DHX57: variants seen among roughly 807,000 people sequenced by gnomAD.
DHX57 encodes DExH-box helicase 57.
DHX57 carries 105 observed loss-of-function variants against 156.2 expected under a neutral mutation model. That is an observed-to-expected ratio of 0.67 (90% confidence interval 0.57 to 0.79). The LOEUF is 0.79. DHX57 is among the 30% of genes least tolerant of loss of function. The probability of loss-of-function intolerance (pLI) is 0.00; values close to 1 mark genes in which losing one functional copy is unlikely to be tolerated. For synonymous variants in DHX57, 704 were observed against 595.6 expected (o/e 1.18, Z -2.65); for missense variants, 1,847 against 1,661.9 (o/e 1.11, Z -1.94).
chr2:38,798,663 G>C (rs1050841697), intron 23 of DHX57, among the ~76,000 whole-genome samples: 2 of 152,060 alleles, frequency 1.3e-5, no homozygotes, highest in African/African-American at 2.4e-5. Context: ...GAAAAGATTC[G>C]GGCCAGGCGC....
chr2:38,816,229 T>C (rs1238889945), intron 19 of DHX57: 2 of 469,704 alleles, frequency 4.3e-6, no homozygotes, highest in Non-Finnish European at 8.8e-6. Context: ...TTTTTTTTTT[T>C]TTTGAGACAG....
At chr2:38,869,038 GT>G (rs1665227932) in intron 1 of DHX57, among the ~76,000 whole-genome samples, 1 of 152,192 alleles carries the variant, frequency 6.6e-6, no homozygotes, top group African/African-American at 2.4e-5. Flanking sequence ...ATGACCTCAA[GT>G]GATCTGCGCA....
intron 16 of DHX57, 30 bp downstream of exon 16, chr2:38,825,817 G>A: frequency 6.2e-7 from 1 of 1,609,112 alleles, no homozygotes; most frequent in Non-Finnish European, 8.5e-7. Flanking sequence ...TAGACCTTTT[G>A]GAAGCAAAAC....
chr2:38,851,158 T>C (rs1394860820), intron 9 of DHX57, among the ~76,000 whole-genome samples: 1 of 152,138 alleles, frequency 6.6e-6, no homozygotes, highest in Non-Finnish European at 1.5e-5. Context: ...ATCCCAATAG[T>C]GTTTGTGGAA....
chr2:38,847,062 G>A lies in DHX57; in HGVS notation c.2176C>T (p.Pro726Ser). Residue 726 changes from proline to serine, a missense_variant, in exon 11 of 24, where the codon CCT becomes TCT. Physicochemically the swap from Pro to Ser is moderately conservative, Grantham distance 74. Transcript: ENST00000457308. ...PVITIPGRTFPVDQFFLEDAI... is the reference protein window; with the variant it reads ...PVITIPGRTFSVDQFFLEDAI... ...TCTTCCAAAAAAAATTGATCAACAG[G>A]AAATGTACGACCTAGAAAAACAAGG... 2 of 1,613,366 alleles carry A rather than the reference G, an allele frequency of 1.2e-6. No homozygotes were observed. Among genetic ancestry groups the A allele is most frequent in the South Asian group, 1.1e-5 (1 of 90,986 alleles).
intron 21 of DHX57, chr2:38,810,966 G>C (rs1419865325): frequency 1.2e-6 from 1 of 835,182 alleles, no homozygotes; most frequent in Non-Finnish European, 2.0e-6. Context: ...CATCCTTGAT[G>C]CTGGTCACCT....
At chr2:38,873,554 C>T (rs920197207) in intron 1 of DHX57, among the ~76,000 whole-genome samples, 1 of 152,194 alleles carries the variant, frequency 6.6e-6, no homozygotes, top group African/African-American at 2.4e-5. Context: ...TACCACTGTA[C>T]CCTTAACACA....
intron 12 of DHX57, among the ~76,000 whole-genome samples, chr2:38,841,929 C>A (rs1012740546): frequency 1.3e-5 from 2 of 152,076 alleles, no homozygotes; most frequent in African/African-American, 2.4e-5. Context: ...TAAAAGCCCA[C>A]GAATAATGCT....
At chr2:38,813,496 G>T (rs1212565106) in intron 21 of DHX57, among the ~76,000 whole-genome samples, 1 of 150,898 alleles carries the variant, frequency 6.6e-6, no homozygotes, top group Non-Finnish European at 1.5e-5. Context: ...TCAGCCTCCC[G>T]AGTAGCTGGG....
At chr2:38,837,721 A>G (rs927175379) in intron 13 of DHX57, 110 bp downstream of exon 13, 11 of 693,494 alleles carry the variant, frequency 1.6e-5, no homozygotes, top group Non-Finnish European at 2.6e-5. Context: ...ACTGCCTTGT[A>G]GCCTGTGTGC....
chr2:38,859,313 T>A (rs895566683), intron 5 of DHX57, among the ~76,000 whole-genome samples: 1 of 152,136 alleles, frequency 6.6e-6, no homozygotes, highest in Non-Finnish European at 1.5e-5. Context: ...TTCTATGAAA[T>A]GTCCAGAGTA....
Position 38,861,582 on chromosome 2 carries a change from TA to T in DHX57, c.827del (p.Leu276Ter), listed in dbSNP as rs755852673. 3.1e-6 allele frequency: 5 copies of T among 1,614,238 alleles called. No individual in the cohort carries two copies. The highest frequency in any genetic ancestry group is 4.2e-6 in the Non-Finnish European group (5 of 1,180,040). ...ATCTACTTGTCAGATACTCCAGTTC[TA>T]ACCCAATGGTCCAGACTCTGTTCTG... ...RIQNRVWTIG[L>X]ELEYLTSRFR... is the part of the protein sequence containing the mutation. On this transcript the variant is annotated frameshift_variant, in exon 5 of 24. Coordinates refer to ENST00000457308, the MANE Select transcript of DHX57 (RefSeq NM_198963.3). LOFTEE classifies it high-confidence loss of function.
intron 22 of DHX57, among the ~76,000 whole-genome samples, chr2:38,803,318 A>G (rs562166575): frequency 4.0e-5 from 6 of 151,756 alleles, no homozygotes; most frequent in East Asian, 2.0e-4. Flanking sequence ...AGTGTTCCCT[A>G]TCTCAGGAAA....
At chr2:38,806,103 G>A (rs976913533) in intron 22 of DHX57, among the ~76,000 whole-genome samples, 1 of 152,192 alleles carries the variant, frequency 6.6e-6, no homozygotes, top group African/African-American at 2.4e-5. Flanking sequence ...CATGTGAGAG[G>A]TGGCATGATG....
chr2:38,868,344 C>T lies in DHX57; in HGVS notation c.62G>A (p.Arg21Lys), dbSNP rs1665188208. Reference protein sequence around the residue: ...PGKGGGKGSSRGGRGGRSHAS... With the variant: ...PGKGGGKGSSKGGRGGRSHAS... ...GTGACTCCTGCCTCCTCTTCCTCCT[C>T]TAGAAGACCCTTTTCCACCTCCTTT... The change falls in exon 2 of 24, where the codon AGA becomes AAA. Residue 21 changes from arginine (R) to lysine (K), a missense_variant. By Grantham distance (26) the Arg-to-Lys change is conservative. Coordinates refer to ENST00000457308, the MANE Select transcript of DHX57 (RefSeq NM_198963.3). The T allele has an allele frequency of 1.2e-6, 2 of 1,613,886 alleles. No individual in the cohort carries two copies. Among genetic ancestry groups the T allele is most frequent in the South Asian group, 2.2e-5 (2 of 91,068 alleles).
At position 38,799,323 on chromosome 2, in the gene DHX57, G is replaced by A. The variant is rs369815092; in HGVS notation, c.4018-881C>T. 3.3e-5 allele frequency among the ~76,000 whole-genome samples: 5 copies of A among 150,664 alleles called. No individual in the cohort carries two copies. The South Asian group carries it at 6.3e-4, about 19-fold the overall frequency. On this transcript the variant is annotated intron_variant, in intron 23 of 23. Transcript: ENST00000457308. Reference sequence around the variant, plus strand: ...GGAGGTTGCGGTGAGCCAAGATTGCGCCATTGCACTCTAGCCTGGGCAACA... The same window carrying A: ...GGAGGTTGCGGTGAGCCAAGATTGCACCATTGCACTCTAGCCTGGGCAACA...
At position 38,861,395 on chromosome 2, in the gene DHX57, C is replaced by T; in HGVS notation, c.1015G>A (p.Asp339Asn). 1 of 1,614,030 alleles carries T rather than the reference C, an allele frequency of 6.2e-7. No individual in the cohort carries two copies. Among genetic ancestry groups the T allele is most frequent in the Non-Finnish European group, 8.5e-7 (1 of 1,180,018 alleles). Residue 339 changes from aspartate to asparagine, a missense_variant, in exon 5 of 24, where the codon GAT becomes AAT. By Grantham distance (23) the Asp-to-Asn change is conservative (BLOSUM62 1). Transcript: ENST00000457308. ...TCAATAGCATTAAGATGAGAATCATCTACACTTCTTTCTATTCTTCCAACA... is the reference window on the plus strand; with the variant it reads ...TCAATAGCATTAAGATGAGAATCATTTACACTTCTTTCTATTCTTCCAACA... ...QIVGRIERSV[D>N]DSHLNAIEDA... is the part of the protein sequence containing the mutation.
At chr2:38,863,910 G>A (rs1572709622) in intron 2 of DHX57, among the ~76,000 whole-genome samples, 1 of 152,074 alleles carries the variant, frequency 6.6e-6, no homozygotes, top group East Asian at 1.9e-4. Context: ...CTACTCAGGA[G>A]GCTGAGGCAG....
In DHX57 at chr2:38,829,774, A is replaced by G. The variant is rs144557678; in HGVS notation, c.2543-1338T>C. On this transcript the variant is annotated intron_variant, in intron 13 of 23. Transcript: ENST00000457308. Reference sequence around the variant, plus strand: ...TCTCCTAACCTTATAAGACAGGAAGACAATTTTATTAATAAATAAAATCCA... The same window carrying G: ...TCTCCTAACCTTATAAGACAGGAAGGCAATTTTATTAATAAATAAAATCCA... 3.3e-3 allele frequency among the ~76,000 whole-genome samples: 498 copies of G among 152,292 alleles called. 2 individuals carry two copies. The highest frequency in any genetic ancestry group is 0.012 in the African/African-American group (478 of 41,558).
Sources: gnomAD v4.1 joint callset for allele counts (sites outside exome capture counted in the v4.1 genomes callset) on GRCh38, gnomAD v4.1.1 for gene constraint, MANE v1.5 for transcripts, NCBI Gene and HGNC (gene_info 2026-07-23, HGNC 2026-07-21) for gene names.